Variants in CNTNAP2 observed in about 807,000 individuals in gnomAD.
CNTNAP2 encodes contactin associated protein 2, also known as contactin-associated protein-like 2.
Under a neutral mutation model 155.2 loss-of-function variants are expected in CNTNAP2, and 98 were observed. That is an observed-to-expected ratio of 0.63 (90% CI 0.54 to 0.75). The LOEUF (loss-of-function observed/expected upper bound fraction) is 0.75. Ranked by LOEUF, CNTNAP2 falls within the 30% of genes least tolerant of loss-of-function variation. The pLI is 0.00. For missense variants in CNTNAP2, 1,727 were observed against 1,688.1 expected, an observed-to-expected ratio of 1.02 and a Z score of -0.40; for synonymous variants, 651 against 631.2, an observed-to-expected ratio of 1.03 and a Z score of -0.47.
chr7:148,328,084 G>C (rs1479354880), intron 21 of CNTNAP2, among the ~76,000 whole-genome samples: 1 of 152,216 alleles, frequency 6.6e-6, no homozygotes, highest in Non-Finnish European at 1.5e-5. Flanking sequence ...TAAGGCACAA[G>C]TGTGGAAATA....
chr7:147,786,150 G>T (rs145775192), intron 13 of CNTNAP2, among the ~76,000 whole-genome samples: 3 of 152,072 alleles, frequency 2.0e-5, no homozygotes, highest in African/African-American at 7.2e-5. Flanking sequence ...ATTAGCTGGC[G>T]CATGCCCAGC....
chr7:146,822,338 G>T (rs944055926), intron 2 of CNTNAP2, among the ~76,000 whole-genome samples: 2 of 151,968 alleles, frequency 1.3e-5, no homozygotes, highest in South Asian at 2.1e-4. Flanking sequence ...GGGGCAGGGG[G>T]GAGTGATAGC....
intron 1 of CNTNAP2, among the ~76,000 whole-genome samples, chr7:146,707,384 G>GGAGGCC (rs1800984953): frequency 1.3e-5 from 2 of 152,124 alleles, no homozygotes; most frequent in Admixed American, 1.3e-4. Context: ...CTTACTGGAA[G>GGAGGCC]GAGGCCTTCA....
At chr7:146,728,779 CAAATG>C (rs1801476306) in intron 1 of CNTNAP2, among the ~76,000 whole-genome samples, 1 of 152,086 alleles carries the variant, frequency 6.6e-6, no homozygotes, top group Non-Finnish European at 1.5e-5. Context: ...GGCTTAAGTT[CAAATG>C]TGGCAGTGTT....
chr7:147,549,238 A>G lies in CNTNAP2; in HGVS notation c.1778-12900A>G, dbSNP rs139671015. On this transcript the variant is annotated intron_variant, in intron 11 of 23. Transcript: ENST00000361727. The stretch of plus-strand genomic sequence containing the variant: ...ATGATTCTTCCTCTCCGTGAGGATG[A>G]AATGTTTTTCCATTTGTTGATGTCC... Among the ~76,000 whole-genome samples, 365 of 152,228 alleles carry G rather than the reference A, an allele frequency of 2.4e-3. 3 individuals carry two copies. Among genetic ancestry groups the G allele is most frequent in the African/African-American group, 8.3e-3 (346 of 41,544 alleles).
At chr7:146,202,916 A>G (rs1798888806) in intron 1 of CNTNAP2, among the ~76,000 whole-genome samples, 1 of 152,198 alleles carries the variant, frequency 6.6e-6, no homozygotes, top group Non-Finnish European at 1.5e-5. Context: ...TACAATAAGC[A>G]TATTTTGATG....
chr7:146,458,119 GA>G (rs1329905873), intron 1 of CNTNAP2, among the ~76,000 whole-genome samples: 1 of 152,032 alleles, frequency 6.6e-6, no homozygotes, highest in African/African-American at 2.4e-5. Flanking sequence ...ACATGGAGGG[GA>G]ACAACACACA....
chr7:146,698,829 CTT>C (rs1185895066), intron 1 of CNTNAP2, among the ~76,000 whole-genome samples: 6 of 152,048 alleles, frequency 3.9e-5, no homozygotes, highest in Non-Finnish European at 8.8e-5. Flanking sequence ...TTTTTTTACT[CTT>C]TACATTGTAA....
At chr7:146,415,557 A>G (rs1364733338) in intron 1 of CNTNAP2, among the ~76,000 whole-genome samples, 1 of 152,160 alleles carries the variant, frequency 6.6e-6, no homozygotes, top group African/African-American at 2.4e-5. Context: ...TTTAACTGTT[A>G]GCATAATGCA....
At chr7:146,738,679 T>C (rs993662340) in intron 1 of CNTNAP2, among the ~76,000 whole-genome samples, 5 of 151,836 alleles carry the variant, frequency 3.3e-5, no homozygotes, top group African/African-American at 1.2e-4. Flanking sequence ...CCATTTTGAG[T>C]TGATTTTTGT....
intron 1 of CNTNAP2, among the ~76,000 whole-genome samples, chr7:146,227,042 C>T (rs2116906522): frequency 6.6e-6 from 1 of 151,890 alleles, no homozygotes; most frequent in Non-Finnish European, 1.5e-5. Flanking sequence ...AAATATGAGC[C>T]CAATTTTTTA....
chr7:147,246,056 C>CACATATATATGGCATATATATATATAT (rs1563131971), intron 8 of CNTNAP2, among the ~76,000 whole-genome samples: 4 of 133,498 alleles, frequency 3.0e-5, no homozygotes, highest in African/African-American at 9.4e-5. Context: ...TATATATATA[C>CACATATATATGGCATATATATATATAT]ACATATATAT....
intron 1 of CNTNAP2, among the ~76,000 whole-genome samples, chr7:146,474,999 A>ACG (rs549568997): frequency 0.015 from 2,092 of 138,548 alleles, 19 homozygotes; most frequent in Admixed American, 0.018. Flanking sequence ...ACGAGCGCGC[A>ACG]CGCGCGCGCG....
chr7:146,495,300 T>G (rs1797197808), intron 1 of CNTNAP2, among the ~76,000 whole-genome samples: 1 of 152,164 alleles, frequency 6.6e-6, no homozygotes, highest in African/African-American at 2.4e-5. Flanking sequence ...CATTACATAT[T>G]TGTGTGTTTT....
At chr7:148,080,109 C>T (rs1803565512) in intron 15 of CNTNAP2, among the ~76,000 whole-genome samples, 1 of 152,188 alleles carries the variant, frequency 6.6e-6, no homozygotes, top group South Asian at 2.1e-4. Flanking sequence ...GTTCTGTCAG[C>T]TTCATCCTGC....
intron 13 of CNTNAP2, among the ~76,000 whole-genome samples, chr7:147,694,578 T>A (rs1406548537): frequency 6.6e-5 from 10 of 152,184 alleles, no homozygotes; most frequent in Non-Finnish European, 1.3e-4. Context: ...TTTCAAAGAA[T>A]TGGCCCATTT....
chr7:146,766,339 A>G (rs1002686700), intron 1 of CNTNAP2, among the ~76,000 whole-genome samples: 1 of 152,164 alleles, frequency 6.6e-6, no homozygotes, highest in Non-Finnish European at 1.5e-5. Flanking sequence ...TGTGGGTCTG[A>G]TTTGGCACAC....
Position 146,534,759 on chromosome 7 carries a change from G to A in CNTNAP2, c.98-239512G>A, listed in dbSNP as rs77891498. Among the ~76,000 whole-genome samples, 135 of 151,706 alleles carry A rather than the reference G, an allele frequency of 8.9e-4. No homozygotes were observed. In the East Asian group the frequency reaches 0.018, roughly 21 times the overall value. On this transcript the variant is annotated intron_variant, in intron 1 of 23. Coordinates refer to ENST00000361727, the MANE Select transcript of CNTNAP2 (RefSeq NM_014141.6). ...TAGAATTCTTTTCTAAAGTTCCTACGAAGTCAATACCTCCTGTCTGTCTAT... is the reference window on the plus strand; with the variant it reads ...TAGAATTCTTTTCTAAAGTTCCTACAAAGTCAATACCTCCTGTCTGTCTAT...
At chr7:148,298,198 T>G (rs914743622) in intron 21 of CNTNAP2, among the ~76,000 whole-genome samples, 2 of 152,144 alleles carry the variant, frequency 1.3e-5, no homozygotes, top group African/African-American at 2.4e-5. Flanking sequence ...CCTGCCTATT[T>G]TAGAAGGGTA....
Sources: allele counts gnomAD v4.1 joint callset (sites outside exome capture counted in the v4.1 genomes callset), GRCh38; gene constraint gnomAD v4.1.1; transcripts MANE v1.5; gene names NCBI Gene and HGNC (gene_info 2026-07-23, HGNC 2026-07-21).